Variants in ANKRD11 observed in about 807,000 individuals in gnomAD.
ANKRD11 encodes ankyrin repeat domain-containing protein 11.
In ANKRD11, 17 loss-of-function variants were observed where a neutral mutation model predicts 195.7. The ratio of observed to expected loss-of-function variants is 0.09; its 90% CI spans 0.06 to 0.13. The LOEUF is 0.13. ANKRD11 is among the 10% of genes least tolerant of loss of function. ANKRD11 has a pLI of 1.00. For synonymous variants in ANKRD11, 1,953 were observed against 1,528.1 expected (o/e 1.28, Z -6.49); for missense variants, 3,735 against 3,566.1 (o/e 1.05, Z -1.21).
At chr16:89,330,028 A>G (rs1031034051) in intron 2 of ANKRD11, among the ~76,000 whole-genome samples, 1 of 151,320 alleles carries the variant, frequency 6.6e-6, no homozygotes, top group Non-Finnish European at 1.5e-5. Context: ...AATAAAATAA[A>G]ATGTAAAAAC....
At chr16:89,270,494 G>T (rs374910576) in intron 12 of ANKRD11, 21 of 418,986 alleles carry the variant, frequency 5.0e-5, no homozygotes, top group East Asian at 3.1e-4. Context: ...AGCAGTGGAG[G>T]GTGAATGCTG....
chr16:89,345,024 G>C (rs940540899), intron 2 of ANKRD11, among the ~76,000 whole-genome samples: 9 of 152,262 alleles, frequency 5.9e-5, no homozygotes, highest in African/African-American at 2.2e-4. Context: ...CAGGAGGAAC[G>C]GCAAGGCCAA....
At chr16:89,464,622 A>AG (rs1491072897) in intron 1 of ANKRD11, among the ~76,000 whole-genome samples, 1 of 150,090 alleles carries the variant, frequency 6.7e-6, no homozygotes, top group African/African-American at 2.4e-5. Flanking sequence ...AAAAAAAAAA[A>AG]AGAAAAGAAA....
chr16:89,320,451 T>C lies in ANKRD11; in HGVS notation c.-59-3373A>G, dbSNP rs965987642. 3 of 152,304 alleles carry C rather than the reference T, an allele frequency of 2.0e-5. 1 individual carries two copies. The highest frequency in any genetic ancestry group is 2.0e-4 in the Admixed American group (3 of 15,300). The allele number at this position is 152,304 out of a possible 1,614,324, so 9.4% of individuals were successfully genotyped here. On this transcript the variant is annotated intron_variant, in intron 2 of 12. Coordinates refer to ENST00000301030, the MANE Select transcript of ANKRD11 (RefSeq NM_013275.6). ...AGGCCACTGGGGCTGACTCACGCCCTGTGCTGAGCGGCAAGGCACAGCCGC... is the reference window on the plus strand; with the variant it reads ...AGGCCACTGGGGCTGACTCACGCCCCGTGCTGAGCGGCAAGGCACAGCCGC...
At chr16:89,287,452 TAA>T (rs1007161883) in intron 7 of ANKRD11, 5 of 229,136 alleles carry the variant, frequency 2.2e-5, no homozygotes, top group African/African-American at 6.9e-5. Flanking sequence ...TTTTTCGTAA[TAA>T]AAAGTTTAAA....
chr16:89,442,252 C>T (rs553046771), intron 1 of ANKRD11, among the ~76,000 whole-genome samples: 1 of 152,352 alleles, frequency 6.6e-6, no homozygotes, highest in Admixed American at 6.5e-5. Context: ...CATGTCTACG[C>T]TTTCCTCACT....
intron 2 of ANKRD11, among the ~76,000 whole-genome samples, chr16:89,335,648 A>C (rs1441518912): frequency 1.3e-5 from 2 of 152,214 alleles, no homozygotes; most frequent in Non-Finnish European, 2.9e-5. Flanking sequence ...AGGTAAGATG[A>C]CAAGTCTGTG....
chr16:89,438,148 G>A (rs574258019), intron 1 of ANKRD11, among the ~76,000 whole-genome samples: 2 of 152,322 alleles, frequency 1.3e-5, no homozygotes, highest in Admixed American at 6.5e-5. Flanking sequence ...CGCGTGCGCA[G>A]CCCAGGAGGC....
chr16:89,397,730 T>TGA (rs1228062071), intron 2 of ANKRD11, among the ~76,000 whole-genome samples: 1 of 152,246 alleles, frequency 6.6e-6, no homozygotes, highest in Non-Finnish European at 1.5e-5. Flanking sequence ...AAGATGAAGA[T>TGA]GATGCAGAAG....
In ANKRD11 at chr16:89,280,323, C is replaced by A; in HGVS notation, c.6219G>T (p.Pro2073=). 6.3e-7 allele frequency: 1 copy of A among 1,585,804 alleles called. No individual in the cohort carries two copies. Among genetic ancestry groups the A allele is most frequent in the Non-Finnish European group, 8.6e-7 (1 of 1,165,642 alleles). Residue 2073 remains proline (P), a synonymous_variant, in exon 9 of 13, where the codon CCG becomes CCT. Transcript: ENST00000301030. ...ESFFSNCKSL[P]EAPLDVAPEP... is the part of the protein sequence containing the mutation. ...CGGGGGCCACGTCCAGCGGGGCTTC[C>A]GGAAGTGACTTGCAGTTGCTGAAGA...
At chr16:89,388,260 G>C (rs557543623) in intron 2 of ANKRD11, among the ~76,000 whole-genome samples, 1 of 150,010 alleles carries the variant, frequency 6.7e-6, no homozygotes, top group Admixed American at 6.7e-5. Flanking sequence ...CCACGCGGGT[G>C]GTGCCGGGTG....
At chr16:89,394,239 T>G (rs2041327891) in intron 2 of ANKRD11, among the ~76,000 whole-genome samples, 1 of 152,186 alleles carries the variant, frequency 6.6e-6, no homozygotes. Context: ...GGACTGCAGT[T>G]CCACAGTGGT....
chr16:89,312,736 G>T (rs986173758), intron 3 of ANKRD11, among the ~76,000 whole-genome samples: 1 of 152,196 alleles, frequency 6.6e-6, no homozygotes, highest in East Asian at 1.9e-4. Context: ...CGAAGCATGC[G>T]GGGGAGTTCT....
chr16:89,295,338 CTG>C (rs1193170375), intron 4 of ANKRD11, among the ~76,000 whole-genome samples: 1 of 152,230 alleles, frequency 6.6e-6, no homozygotes, highest in African/African-American at 2.4e-5. Flanking sequence ...GCGGTGGCAC[CTG>C]TGTCCGCTGA....
chr16:89,435,016 C>A (rs2043153630), intron 1 of ANKRD11, among the ~76,000 whole-genome samples: 1 of 152,200 alleles, frequency 6.6e-6, no homozygotes, highest in African/African-American at 2.4e-5. Flanking sequence ...GCCACCAGCT[C>A]TTCATGAGAG....
chr16:89,479,770 C>A (rs950526530), intron 1 of ANKRD11, among the ~76,000 whole-genome samples: 1 of 151,742 alleles, frequency 6.6e-6, no homozygotes, highest in Non-Finnish European at 1.5e-5. Flanking sequence ...GGTGAGACCC[C>A]ATCTCCACTA....
intron 2 of ANKRD11, among the ~76,000 whole-genome samples, chr16:89,371,139 C>T (rs1418221561): frequency 1.3e-5 from 2 of 152,162 alleles, no homozygotes; most frequent in African/African-American, 4.8e-5. Flanking sequence ...AGCGTCTTGA[C>T]TTTCAGGGTG....
chr16:89,291,558 C>T lies in ANKRD11; in HGVS notation c.227-375G>A. 1.3e-6 allele frequency: 1 copy of T among 770,274 alleles called. No individual in the cohort carries two copies. The highest frequency in any genetic ancestry group is 1.4e-5 in the South Asian group (1 of 70,242). The allele number at this position is 770,274 out of a possible 1,614,324, so 47.7% of individuals were successfully genotyped here. On this transcript the variant is annotated intron_variant, in intron 4 of 12. Coordinates refer to ENST00000301030, the MANE Select transcript of ANKRD11 (RefSeq NM_013275.6). This position sits in a 1 kb window ranked among gnomAD's most constrained non-coding sequence, Gnocchi z 5.3. ...GGCTCACACAGGACAGGTCTCTGTTCAATACACGTGTCTGTAATTCAATTC... is the reference window on the plus strand; with the variant it reads ...GGCTCACACAGGACAGGTCTCTGTTTAATACACGTGTCTGTAATTCAATTC...
intron 2 of ANKRD11, among the ~76,000 whole-genome samples, chr16:89,388,827 G>A (rs572159899): frequency 7.2e-5 from 11 of 152,302 alleles, no homozygotes; most frequent in African/African-American, 2.6e-4. Context: ...CACAGCCCGG[G>A]GAATGATGAA....
Sources: gnomAD v4.1 joint callset for allele counts (sites outside exome capture counted in the v4.1 genomes callset) on GRCh38, gnomAD v4.1.1 for gene constraint, Gnocchi (gnomAD v3.1) non-coding constraint, MANE v1.5 for transcripts, NCBI Gene and HGNC (gene_info 2026-07-23, HGNC 2026-07-21) for gene names.